Variants in DTL observed in about 807,000 individuals in gnomAD.
The protein encoded by DTL is denticleless protein homolog.
A neutral mutation model predicts 87.0 loss-of-function variants in DTL; 46 were observed. That is an observed-to-expected ratio of 0.53 (90% CI 0.42 to 0.68). DTL has a LOEUF of 0.68. Ranked by LOEUF, DTL falls within the 30% of genes least tolerant of loss-of-function variation. DTL has a pLI of 0.00. For missense variants in DTL, 737 were observed against 869.4 expected, an observed-to-expected ratio of 0.85 and a Z score of 1.91; for synonymous variants, 308 against 311.2, an observed-to-expected ratio of 0.99 and a Z score of 0.11.
intron 5 of DTL, chr1:212,051,382 C>T: frequency 2.0e-6 from 1 of 502,808 alleles, no homozygotes; most frequent in Non-Finnish European, 3.3e-6. Flanking sequence ...TTTTTCTTTA[C>T]CTGAAAATGT....
chr1:212,074,132 AATT>A (rs1474785725), intron 11 of DTL, among the ~76,000 whole-genome samples: 1 of 151,836 alleles, frequency 6.6e-6, no homozygotes, highest in Non-Finnish European at 1.5e-5. Context: ...ATTCTTGTTA[AATT>A]ATTAAGTTTT....
At chr1:212,094,352 T>C (rs1327211542) in intron 13 of DTL, among the ~76,000 whole-genome samples, 1 of 152,230 alleles carries the variant, frequency 6.6e-6, no homozygotes, top group Non-Finnish European at 1.5e-5. Flanking sequence ...ATGTGTTGAA[T>C]AGGGTGTCCT....
chr1:212,097,621 C>T (rs368922271), intron 13 of DTL, among the ~76,000 whole-genome samples: 2 of 151,852 alleles, frequency 1.3e-5, no homozygotes, highest in African/African-American at 4.8e-5. Flanking sequence ...TTTTCGTCTA[C>T]ATCCTGTTTT....
intron 5 of DTL, among the ~76,000 whole-genome samples, chr1:212,060,031 CAA>C (rs1308961335): frequency 6.6e-6 from 1 of 151,908 alleles, no homozygotes; most frequent in African/African-American, 2.4e-5. Flanking sequence ...GAAGAGGAGA[CAA>C]ATGGAAAGAG....
chr1:212,054,880 G>A (rs1237793751), intron 5 of DTL, among the ~76,000 whole-genome samples: 1 of 151,792 alleles, frequency 6.6e-6, no homozygotes, highest in Non-Finnish European at 1.5e-5. Context: ...TATTTTAGGC[G>A]GAGTAAATTC....
chr1:212,045,418 A>T (rs933012550), intron 3 of DTL, among the ~76,000 whole-genome samples: 1 of 152,266 alleles, frequency 6.6e-6, no homozygotes, highest in African/African-American at 2.4e-5. Context: ...AATCTTTAAC[A>T]CTTAATGTGA....
intron 7 of DTL, 91 bp from the exon 8 acceptor site, chr1:212,066,721 G>C: frequency 3.0e-6 from 3 of 1,004,904 alleles, no homozygotes; most frequent in Non-Finnish European, 4.6e-6. Flanking sequence ...AGTCAGTCTG[G>C]GGAGAAAAGT....
intron 11 of DTL, 57 bp downstream of exon 11, chr1:212,072,270 G>T (rs1198096478): frequency 4.5e-6 from 6 of 1,333,544 alleles, no homozygotes; most frequent in Admixed American, 1.7e-5. Context: ...GCAAATATTT[G>T]TTCTGTCCAA....
At chr1:212,066,956 C>T in intron 8 of DTL, 71 bp downstream of exon 8, 1 of 1,284,536 alleles carries the variant, frequency 7.8e-7, no homozygotes, top group Non-Finnish European at 1.1e-6. Context: ...GTCACATAGT[C>T]TCATTATAAT....
chr1:212,085,094 G>C (rs182384971), intron 13 of DTL, among the ~76,000 whole-genome samples: 1 of 152,186 alleles, frequency 6.6e-6, no homozygotes, highest in Non-Finnish European at 1.5e-5. Context: ...CACATGTTTA[G>C]TACAGACACA....
chr1:212,094,115 A>G (rs1425955165), intron 13 of DTL, among the ~76,000 whole-genome samples: 2 of 152,058 alleles, frequency 1.3e-5, no homozygotes, highest in East Asian at 1.9e-4. Flanking sequence ...ATTAAGTCCC[A>G]TCTATTTATC....
intron 5 of DTL, among the ~76,000 whole-genome samples, chr1:212,056,097 C>T (rs1293417006): frequency 1.3e-5 from 2 of 152,220 alleles, no homozygotes; most frequent in Admixed American, 1.3e-4. Flanking sequence ...ATCCACACCA[C>T]TCCACACCTC....
At chr1:212,092,842 T>C (rs1655326300) in intron 13 of DTL, among the ~76,000 whole-genome samples, 2 of 152,230 alleles carry the variant, frequency 1.3e-5, no homozygotes, top group African/African-American at 4.8e-5. Context: ...AGAATCTCTG[T>C]ACTGTTTTCC....
chr1:212,060,916 A>G (rs1654274098), intron 5 of DTL, among the ~76,000 whole-genome samples: 1 of 152,080 alleles, frequency 6.6e-6, no homozygotes. Flanking sequence ...ACTAGACTAT[A>G]CTAAACTAAA....
chr1:212,044,420 C>G (rs1050338253), intron 2 of DTL, among the ~76,000 whole-genome samples: 3 of 152,024 alleles, frequency 2.0e-5, no homozygotes, highest in Admixed American at 2.0e-4. Context: ...GCCTGACCAG[C>G]ATGGTGAAAC....
intron 11 of DTL, among the ~76,000 whole-genome samples, chr1:212,074,403 A>G (rs1654768626): frequency 6.6e-6 from 1 of 152,158 alleles, no homozygotes; most frequent in African/African-American, 2.4e-5. Context: ...TACACTAAAT[A>G]TAGTTGGCCA....
At chr1:212,069,078 C>A (rs949585680) in intron 10 of DTL, among the ~76,000 whole-genome samples, 1 of 152,058 alleles carries the variant, frequency 6.6e-6, no homozygotes, top group Non-Finnish European at 1.5e-5. Context: ...TTTTCATACC[C>A]CCAAAATAGT....
Position 212,035,801 on chromosome 1 carries a change from G to T in DTL, c.-90G>T, listed in dbSNP as rs533405137. The T allele has an allele frequency of 1.5e-6, 2 of 1,290,790 alleles. No homozygotes were observed. The highest frequency in any genetic ancestry group is 1.1e-6 in the Non-Finnish European group (1 of 902,784). The allele number at this position is 1,290,790 out of a possible 1,614,324, so 80.0% of individuals were successfully genotyped here. A position where few individuals can be genotyped will look rare whatever the true frequency, so the allele number is the denominator to read the frequency against. Reference sequence around the variant, plus strand: ...CGGGAGTTGGAGGCGATAACGATTTGTGTTGTGAGAGGCGCAAGCTGCGAT... The same window carrying T: ...CGGGAGTTGGAGGCGATAACGATTTTTGTTGTGAGAGGCGCAAGCTGCGAT... On this transcript the variant is annotated 5_prime_UTR_variant, in exon 1 of 15. Coordinates refer to ENST00000366991, the MANE Select transcript of DTL (RefSeq NM_016448.4).
At chr1:212,054,176 A>G (rs1668085700) in intron 5 of DTL, among the ~76,000 whole-genome samples, 1 of 152,160 alleles carries the variant, frequency 6.6e-6, no homozygotes, top group African/African-American at 2.4e-5. Flanking sequence ...CCCATATGGT[A>G]CAGGGGTCAG....
Sources: gnomAD v4.1 joint callset for allele counts (sites outside exome capture counted in the v4.1 genomes callset) on GRCh38, gnomAD v4.1.1 for gene constraint, MANE v1.5 for transcripts, NCBI Gene and HGNC (gene_info 2026-07-23, HGNC 2026-07-21) for gene names.